Variants in TMEM25 observed in about 807,000 individuals in gnomAD.
TMEM25 encodes transmembrane protein 25, also known as 0610039J01Rik.
In TMEM25, 36 loss-of-function variants were observed where a neutral mutation model predicts 37.0. That is an observed-to-expected ratio of 0.97 (90% CI 0.75 to 1.28). The LOEUF (loss-of-function observed/expected upper bound fraction) is 1.28. Ranked by LOEUF, TMEM25 falls within the 50% of genes most tolerant of loss-of-function variation. The probability of loss-of-function intolerance (pLI) is 0.00; values close to 1 mark genes in which losing one functional copy is unlikely to be tolerated. For missense variants in TMEM25, 444 were observed against 477.9 expected, an observed-to-expected ratio of 0.93 and a Z score of 0.66; for synonymous variants, 197 against 203.7, an observed-to-expected ratio of 0.97 and a Z score of 0.28.
chr11:118,535,364 T>TACGGC lies in TMEM25; in HGVS notation c.*785_*789dup. 7.1e-7 allele frequency: 1 copy of TACGGC among 1,400,098 alleles called. No homozygotes were observed. Among genetic ancestry groups the TACGGC allele is most frequent in the Non-Finnish European group, 9.3e-7 (1 of 1,080,208 alleles). 86.7% of individuals were successfully genotyped at this position (1,400,098 alleles called of 1,614,324 possible). A position where few individuals can be genotyped will look rare whatever the true frequency, so the allele number is the denominator to read the frequency against. ...GGCTTGTAGCTATGCATCATTTTCCTACGGCGTTAGCACTTTAAGCACATC... is the reference window on the plus strand; with the variant it reads ...GGCTTGTAGCTATGCATCATTTTCCTACGGCACGGCGTTAGCACTTTAAGCACATC... On this transcript the variant is annotated 3_prime_UTR_variant, in exon 9 of 9. Coordinates refer to ENST00000313236, the MANE Select transcript of TMEM25 (RefSeq NM_032780.4).
At chr11:118,547,078 A>T (rs896456417), downstream of TMEM25, 3 of 152,220 alleles carry the variant, frequency 2.0e-5, no homozygotes, top group East Asian at 5.8e-4. Context: ...ATTTCACTGA[A>T]TGGATGTACT....
rs560423644 is a variant in TMEM25 at position 118,542,910 on chromosome 11, C to T, written c.1028-3209C>T. Among the ~76,000 whole-genome samples, 4 of 151,642 alleles carry T rather than the reference C, an allele frequency of 2.6e-5. No individual in the cohort carries two copies. The East Asian group carries it at 7.8e-4, about 30-fold the overall frequency. ...CCTCGGTGACAGAGCGAGACTCTGT[C>T]TCAAACAAACAAACAAAACAAAACA... On this transcript the variant is annotated intron_variant, in intron 8 of 8. Transcript: ENST00000354284.
downstream of TMEM25, among the ~76,000 whole-genome samples, chr11:118,536,618 TAATTA>T (rs1565338059): frequency 6.6e-6 from 1 of 152,192 alleles, no homozygotes; most frequent in African/African-American, 2.4e-5. Context: ...AATATTTCTT[TAATTA>T]TAGTGTTCCC....
chr11:118,546,663 T>A (rs1360150557), downstream of TMEM25: 1 of 156,658 alleles, frequency 6.4e-6, no homozygotes, highest in Non-Finnish European at 1.4e-5. Context: ...TGCTATTTTT[T>A]CCCCCGATCA....
chr11:118,535,645 G>T lies in TMEM25; in HGVS notation c.*1065G>T. On this transcript the variant is annotated 3_prime_UTR_variant, in exon 9 of 9. Coordinates refer to ENST00000313236, the MANE Select transcript of TMEM25 (RefSeq NM_032780.4). ...GAAGCTTTAGGGGAACATGGAGAAA[G>T]AAGGAGACCACATACCCCAAAGTGA... is the stretch of plus-strand genomic sequence containing the variant. The T allele has an allele frequency of 2.0e-6, 3 of 1,519,952 alleles. No individual in the cohort carries two copies. Among genetic ancestry groups the T allele is most frequent in the Non-Finnish European group, 2.6e-6 (3 of 1,135,010 alleles). 94.2% of individuals were successfully genotyped at this position (1,519,952 alleles called of 1,614,324 possible). A position where few individuals can be genotyped will look rare whatever the true frequency, so the allele number is the denominator to read the frequency against.
At chr11:118,542,310 T>C (rs1834382692) in intron 8 of TMEM25, among the ~76,000 whole-genome samples, 1 of 152,180 alleles carries the variant, frequency 6.6e-6, no homozygotes, top group Non-Finnish European at 1.5e-5. Context: ...CGCCAATGCA[T>C]TTAATACCCA....
chr11:118,533,837 C>T lies in TMEM25; in HGVS notation c.806-20C>T. The T allele has an allele frequency of 1.2e-6, 2 of 1,613,974 alleles. No individual in the cohort carries two copies. The highest frequency in any genetic ancestry group is 1.7e-6 in the Non-Finnish European group (2 of 1,179,990). The stretch of plus-strand genomic sequence containing the variant: ...GGGAGGGCACACTGAGAATTAGGGA[C>T]ATGGTTTCTTTCTCCACAGGCCCCT... On this transcript the variant is annotated intron_variant, in intron 5 of 8. Transcript: ENST00000313236.
At chr11:118,546,495 AGG>A (rs1555067203), downstream of TMEM25, 1 of 222,988 alleles carries the variant, frequency 4.5e-6, no homozygotes. Flanking sequence ...GTAAAAAAAA[AGG>A]AAGGAAGGGA....
chr11:118,544,981 C>T lies in TMEM25; in HGVS notation c.1028-1138C>T, dbSNP rs782374152. On this transcript the variant is annotated intron_variant, in intron 8 of 8. Transcript: ENST00000354284. ...GTGGAATTGGATGAAGGAGTGAATGCTTTCTTGCCTTCAGCGAGAGCTTTA... is the reference window on the plus strand; with the variant it reads ...GTGGAATTGGATGAAGGAGTGAATGTTTTCTTGCCTTCAGCGAGAGCTTTA... 1.9e-6 allele frequency: 3 copies of T among 1,613,538 alleles called. No homozygotes were observed. In the South Asian group the frequency reaches 3.3e-5, roughly 18 times the overall value.
rs1555060628 is a variant in TMEM25 at position 118,533,194 on chromosome 11, G to T, written c.660G>T (p.Ser220=). The T allele has an allele frequency of 6.3e-7, 1 of 1,596,286 alleles. No homozygotes were observed. Among genetic ancestry groups the T allele is most frequent in the Non-Finnish European group, 8.5e-7 (1 of 1,175,252 alleles). ...ATGACGTGGGTGTCACCAGTGCGTC[G>T]CTTCCAGCCCCAGGTGAGCATGGCC... The part of the protein sequence containing the change: ...ATNDVGVTSA[S]LPAPGLLATR... The change falls in exon 4 of 9, where the codon TCG becomes TCT. Residue 220 remains serine (S), a synonymous_variant. Transcript: ENST00000313236.
rs1269582272 is a variant in TMEM25, at chr11:118,534,744, T to C, written c.*164T>C. Reference sequence around the variant, plus strand: ...CTCCATGTCATGCACGTGATGCATTTCACTGGGCTGTAACCCGCAGGGGCA... The same window carrying C: ...CTCCATGTCATGCACGTGATGCATTCCACTGGGCTGTAACCCGCAGGGGCA... On this transcript the variant is annotated 3_prime_UTR_variant, in exon 9 of 9. Transcript: ENST00000313236. This position sits in a 1 kb window ranked among gnomAD's most constrained non-coding sequence, Gnocchi z 4.6. 3.8e-5 allele frequency: 55 copies of C among 1,444,636 alleles called. No individual in the cohort carries two copies. Among genetic ancestry groups the C allele is most frequent in the Non-Finnish European group, 4.2e-5 (46 of 1,099,126 alleles). The allele number at this position is 1,444,636 out of a possible 1,614,324, so 89.5% of individuals were successfully genotyped here.
intron 3 of TMEM25, 141 bp downstream of exon 3, chr11:118,532,602 C>T (rs1330450918): frequency 1.0e-6 from 1 of 991,282 alleles, no homozygotes; most frequent in African/African-American, 1.6e-5. Flanking sequence ...CTGAGTAACC[C>T]CATGAGGTCA....
At position 118,534,583 on chromosome 11, in the gene TMEM25, C is replaced by T. The variant is rs782341063; in HGVS notation, c.*3C>T. 55 of 1,613,970 alleles carry T rather than the reference C, an allele frequency of 3.4e-5. No individual in the cohort carries two copies. Among genetic ancestry groups the T allele is most frequent in the African/African-American group, 6.7e-5 (5 of 74,934 alleles). On this transcript the variant is annotated 3_prime_UTR_variant, in exon 9 of 9. Coordinates refer to ENST00000313236, the MANE Select transcript of TMEM25 (RefSeq NM_032780.4). The surrounding 1 kb of genome is among the most constrained non-coding windows in gnomAD (Gnocchi z 4.6). ...GCAGTGATGAGATCTGGCTCTGAGCCGAGGGCGAGACAGGAGTATTCTCTT... is the reference window on the plus strand; with the variant it reads ...GCAGTGATGAGATCTGGCTCTGAGCTGAGGGCGAGACAGGAGTATTCTCTT...
chr11:118,531,225 A>C lies in TMEM25; in HGVS notation c.-37A>C. ...GCAGTTGCTCCGGCGGCGCTCGGGG[A>C]GGGAGCCAGGTGAGCCGCCCCGGTG... is the stretch of plus-strand genomic sequence containing the variant. On this transcript the variant is annotated 5_prime_UTR_variant, in exon 1 of 9. Coordinates refer to ENST00000313236, the MANE Select transcript of TMEM25 (RefSeq NM_032780.4). 1 of 427,362 alleles carries C rather than the reference A, an allele frequency of 2.3e-6. No homozygotes were observed. The highest frequency in any genetic ancestry group is 2.1e-5 in the African/African-American group (1 of 46,962). 26.5% of individuals were successfully genotyped at this position (427,362 alleles called of 1,614,324 possible).
In TMEM25 at chr11:118,535,744, T is replaced by C. The variant is rs1292245467; in HGVS notation, c.*1164T>C. 1.5e-6 allele frequency: 2 copies of C among 1,365,424 alleles called. No homozygotes were observed. The highest frequency in any genetic ancestry group is 2.9e-5 in the African/African-American group (2 of 68,434). 84.6% of individuals were successfully genotyped at this position (1,365,424 alleles called of 1,614,324 possible). A position where few individuals can be genotyped will look rare whatever the true frequency, so the allele number is the denominator to read the frequency against. On this transcript the variant is annotated 3_prime_UTR_variant, in exon 9 of 9. Coordinates refer to ENST00000313236, the MANE Select transcript of TMEM25 (RefSeq NM_032780.4). ...AGTACAGAATATATTTTTCCCTTGT[T>C]GAGATCTTCTTTTGTAATGTTTTTC...
chr11:118,533,291 G>A (rs1951382904), intron 4 of TMEM25, 84 bp downstream of exon 4: 10 of 1,561,940 alleles, frequency 6.4e-6, no homozygotes, highest in Admixed American at 3.5e-5. Context: ...AATACTTGTT[G>A]CCCTGTGGTT....
At chr11:118,538,114 ATATAAGAG>A (rs1232864468), downstream of TMEM25, among the ~76,000 whole-genome samples, 1 of 152,158 alleles carries the variant, frequency 6.6e-6, no homozygotes, top group Non-Finnish European at 1.5e-5. Context: ...ATTCCCACCA[ATATAAGAG>A]TATAAGAGTT....
chr11:118,533,694 C>T (rs1488270713), intron 5 of TMEM25, 143 bp downstream of exon 5: 1 of 1,565,282 alleles, frequency 6.4e-7, no homozygotes, highest in Admixed American at 1.7e-5. Flanking sequence ...TGACATGCAT[C>T]CCAGGTAGCA....
At chr11:118,545,617 C>T in intron 8 of TMEM25, 1 of 1,072,284 alleles carries the variant, frequency 9.3e-7, no homozygotes, top group Non-Finnish European at 1.4e-6. Context: ...GGGTTAAATA[C>T]CCAGCAGGTA....
Sources: allele counts gnomAD v4.1 joint callset (sites outside exome capture counted in the v4.1 genomes callset), GRCh38; gene constraint gnomAD v4.1.1; non-coding constraint Gnocchi (gnomAD v3.1); transcripts MANE v1.5; gene names NCBI Gene and HGNC (gene_info 2026-07-23, HGNC 2026-07-21).